Variants in ZNF483 observed in about 807,000 individuals in gnomAD.
ZNF483 encodes zinc finger protein 483, also known as zinc finger protein HIT-10.
Under a neutral mutation model 28.6 loss-of-function variants are expected in ZNF483, and 9 were observed. That is an observed-to-expected ratio of 0.32 (90% confidence interval 0.19 to 0.55). ZNF483 has a LOEUF of 0.55. ZNF483 is among the 20% of genes least tolerant of loss of function. The probability of loss-of-function intolerance (pLI) is 0.93; values close to 1 mark genes in which losing one functional copy is unlikely to be tolerated. For synonymous variants in ZNF483, 322 were observed against 306.2 expected (o/e 1.05, Z -0.54); for missense variants, 675 against 871.7 (o/e 0.77, Z 2.84).
intron 5 of ZNF483, chr9:111,564,098 G>T: frequency 4.3e-6 from 1 of 234,256 alleles, no homozygotes; most frequent in Admixed American, 6.4e-5. Flanking sequence ...GCCTACTAAT[G>T]GGAACTAATT....
Position 111,553,639 on chromosome 9 carries a change from G to C in ZNF483, c.*10469G>C, listed in dbSNP as rs1828036979. On this transcript the variant is annotated 3_prime_UTR_variant, in exon 6 of 6. Transcript: ENST00000309235. ...AACACTAGTGATAATGCACGTTCCT[G>C]TACAAGCATTATAATACAACAGTGT... Among the ~76,000 whole-genome samples the C allele has an allele frequency of 6.6e-6, 1 of 152,220 alleles. No individual in the cohort carries two copies. Among genetic ancestry groups the C allele is most frequent in the South Asian group, 2.1e-4 (1 of 4,832 alleles).
intron 2 of ZNF483, among the ~76,000 whole-genome samples, chr9:111,528,331 TTAAA>T (rs1182652066): frequency 6.6e-5 from 10 of 152,254 alleles, no homozygotes; most frequent in Admixed American, 2.0e-4. Context: ...AATTTAAAGT[TTAAA>T]TAGCCACATG....
chr9:111,549,213 G>A lies in ZNF483; in HGVS notation c.*6043G>A, dbSNP rs371021954. Among the ~76,000 whole-genome samples, 24 of 152,122 alleles carry A rather than the reference G, an allele frequency of 1.6e-4. 1 individual carries two copies. In the East Asian group the frequency reaches 4.1e-3, roughly 26 times the overall value. On this transcript the variant is annotated 3_prime_UTR_variant, in exon 6 of 6. Coordinates refer to ENST00000309235, the MANE Select transcript of ZNF483 (RefSeq NM_133464.5). ...TGTTTTGCTCTTTTGTTTTCCCCTC[G>A]GAATAGTTTATCAGATGAGGAATTT...
chr9:111,545,796 T>C lies in ZNF483; in HGVS notation c.*2626T>C, dbSNP rs572452843. ...CGTGCATTCACTAGTTGAAGAACAT[T>C]TGAGGTTTTTCCAGTTTTTGCCTGT... is the stretch of plus-strand genomic sequence containing the variant. On this transcript the variant is annotated 3_prime_UTR_variant, in exon 6 of 6. Transcript: ENST00000309235. Among the ~76,000 whole-genome samples, 1 of 152,320 alleles carries C rather than the reference T, an allele frequency of 6.6e-6. No homozygotes were observed. The highest frequency in any genetic ancestry group is 2.1e-4 in the South Asian group (1 of 4,830).
chr9:111,532,667 C>T (rs1564592372), intron 3 of ZNF483, among the ~76,000 whole-genome samples: 2 of 152,090 alleles, frequency 1.3e-5, no homozygotes, highest in Admixed American at 6.6e-5. Context: ...GTTACAGCTC[C>T]CAGAGGAAGG....
intron 5 of ZNF483, among the ~76,000 whole-genome samples, chr9:111,569,269 T>C (rs1564612488): frequency 6.6e-6 from 1 of 152,116 alleles, no homozygotes; most frequent in Non-Finnish European, 1.5e-5. Flanking sequence ...CCAGTGACCA[T>C]GACCTGGGGC....
At chr9:111,530,567 T>C (rs892118144) in intron 2 of ZNF483, among the ~76,000 whole-genome samples, 2 of 151,266 alleles carry the variant, frequency 1.3e-5, no homozygotes, top group Non-Finnish European at 3.0e-5. Flanking sequence ...GAACTGATGC[T>C]ATCTCCAGGT....
At chr9:111,559,337 G>A (rs753623098), downstream of ZNF483, among the ~76,000 whole-genome samples, 1 of 151,996 alleles carries the variant, frequency 6.6e-6, no homozygotes, top group Non-Finnish European at 1.5e-5. Context: ...TGTGGACTTT[G>A]ACTCCTCACA....
At chr9:111,571,380 G>C (rs1828812787) in intron 5 of ZNF483, among the ~76,000 whole-genome samples, 1 of 149,832 alleles carries the variant, frequency 6.7e-6, no homozygotes, top group Non-Finnish European at 1.5e-5. Context: ...CTCCACTCCA[G>C]CCTGGGTGAC....
In ZNF483 at chr9:111,530,973, C is replaced by A; in HGVS notation, c.501+10C>A. 7.1e-7 allele frequency: 1 copy of A among 1,411,188 alleles called. No individual in the cohort carries two copies. Among genetic ancestry groups the A allele is most frequent in the Non-Finnish European group, 9.6e-7 (1 of 1,036,990 alleles). 87.4% of individuals were successfully genotyped at this position (1,411,188 alleles called of 1,614,324 possible). On this transcript the variant is annotated intron_variant, in intron 3 of 5. Coordinates refer to ENST00000309235, the MANE Select transcript of ZNF483 (RefSeq NM_133464.5). ...CAATACTGAGTCCTGTGTAAGTTTC[C>A]TTTGATGGTTTTTATTCCTAAGTGA...
At position 111,548,114 on chromosome 9, in the gene ZNF483, C is replaced by A. The variant is rs1384214219; in HGVS notation, c.*4944C>A. 6.6e-6 allele frequency among the ~76,000 whole-genome samples: 1 copy of A among 152,042 alleles called. No individual in the cohort carries two copies. Among genetic ancestry groups the A allele is most frequent in the African/African-American group, 2.4e-5 (1 of 41,396 alleles). On this transcript the variant is annotated 3_prime_UTR_variant, in exon 6 of 6. Transcript: ENST00000309235. Reference sequence around the variant, plus strand: ...GTGAGGCCTCCAGCTTTGTTCTTTCCCAAATTGTTTTGGCTATTTGGGGGT... The same window carrying A: ...GTGAGGCCTCCAGCTTTGTTCTTTCACAAATTGTTTTGGCTATTTGGGGGT...
rs115006586 is a variant in ZNF483 at position 111,528,112 on chromosome 9, T to G, written c.412+305T>G. ...AATAGTAATTTCTTTCCCATCCCCT[T>G]CAAGAACACAAGTTATCTGTGAAAG... On this transcript the variant is annotated intron_variant, in intron 2 of 5. Transcript: ENST00000309235. The G allele has an allele frequency of 5.2e-4, 616 of 1,195,880 alleles. 1 individual carries two copies. In the African/African-American group the frequency reaches 8.6e-3, roughly 17 times the overall value. The allele number at this position is 1,195,880 out of a possible 1,614,324, so 74.1% of individuals were successfully genotyped here. A position where few individuals can be genotyped will look rare whatever the true frequency, so the allele number is the denominator to read the frequency against.
chr9:111,525,762 C>T (rs1188430790), intron 1 of ZNF483, among the ~76,000 whole-genome samples: 2 of 152,124 alleles, frequency 1.3e-5, no homozygotes, highest in East Asian at 1.9e-4. Context: ...TCTTAGTCAT[C>T]GCGGAGCCCC....
rs577110919 is a variant in ZNF483 at position 111,536,848 on chromosome 9, T to C, written c.721+2495T>C. Among the ~76,000 whole-genome samples, 8 of 152,308 alleles carry C rather than the reference T, an allele frequency of 5.3e-5. No homozygotes were observed. In the South Asian group the frequency reaches 1.7e-3, roughly 32 times the overall value. ...TATGTTATGTGTTTTTTATACTGTA[T>C]TCTAGTAAGCTAGAGAAAAATGCTA... On this transcript the variant is annotated intron_variant, in intron 5 of 5. Coordinates refer to ENST00000309235, the MANE Select transcript of ZNF483 (RefSeq NM_133464.5).
intron 5 of ZNF483, among the ~76,000 whole-genome samples, chr9:111,535,967 A>C (rs146047834): frequency 0.031 from 4,558 of 147,652 alleles, 257 homozygotes; most frequent in African/African-American, 0.11. Context: ...GCTCACTGCA[A>C]CCTCTGCCTC....
chr9:111,550,443 CT>C lies in ZNF483; in HGVS notation c.*7274del, dbSNP rs1426096986. Among the ~76,000 whole-genome samples the C allele has an allele frequency of 6.6e-6, 1 of 152,190 alleles. No homozygotes were observed. The highest frequency in any genetic ancestry group is 1.5e-5 in the Non-Finnish European group (1 of 68,032). ...CTGACCCAGAAATGTGGGGTTGTGT[CT>C]CCACAGCTGCCTGCCATGGAGTGGG... On this transcript the variant is annotated 3_prime_UTR_variant, in exon 6 of 6. Transcript: ENST00000309235.
chr9:111,544,102 A>T lies in ZNF483; in HGVS notation c.*932A>T, dbSNP rs1339189505. Reference sequence around the variant, plus strand: ...TTTTGGGCATTGGCCAACAGGACTGAGAAGCCAGAGAGCTTGCACCTGAGC... The same window carrying T: ...TTTTGGGCATTGGCCAACAGGACTGTGAAGCCAGAGAGCTTGCACCTGAGC... On this transcript the variant is annotated 3_prime_UTR_variant, in exon 6 of 6. Transcript: ENST00000309235. 9 of 985,342 alleles carry T rather than the reference A, an allele frequency of 9.1e-6. No homozygotes were observed. The highest frequency in any genetic ancestry group is 1.1e-5 in the Non-Finnish European group (9 of 829,968). 61.0% of individuals were successfully genotyped at this position (985,342 alleles called of 1,614,324 possible).
Position 111,530,927 on chromosome 9 carries a change from T to C in ZNF483, c.465T>C (p.Asp155=). 6.4e-7 allele frequency: 1 copy of C among 1,559,458 alleles called. No individual in the cohort carries two copies. Among genetic ancestry groups the C allele is most frequent in the Non-Finnish European group, 8.7e-7 (1 of 1,144,222 alleles). The change falls in exon 3 of 6, where the codon GAT becomes GAC. Residue 155 remains aspartate, a synonymous_variant. Coordinates refer to ENST00000309235, the MANE Select transcript of ZNF483 (RefSeq NM_133464.5). ...TVSQEENSKE[D]KMVTVCPNTE... ...CCCAAGAGGAGAACTCAAAAGAGGA[T>C]AAAATGGTCACTGTTTGTCCCAATA...
At chr9:111,564,915 G>A (rs1828487237) in intron 5 of ZNF483, among the ~76,000 whole-genome samples, 1 of 152,020 alleles carries the variant, frequency 6.6e-6, no homozygotes, top group Admixed American at 6.6e-5. Context: ...CCCGAGGTCA[G>A]GAGTTCGAGA....
Sources: allele counts gnomAD v4.1 joint callset (sites outside exome capture counted in the v4.1 genomes callset), GRCh38; gene constraint gnomAD v4.1.1; transcripts MANE v1.5; gene names NCBI Gene and HGNC (gene_info 2026-07-23, HGNC 2026-07-21).